PAX3: variants seen among roughly 807,000 people sequenced by gnomAD.
PAX3 encodes the protein paired box protein Pax-3.
PAX3 carries 14 observed loss-of-function variants against 51.6 expected under a neutral mutation model. The observed-to-expected ratio is 0.27, with a 90% CI of 0.18 to 0.42. The LOEUF is 0.42. Among genes scored for constraint, PAX3 ranks in the 10% least tolerant of loss-of-function variants. The probability of loss-of-function intolerance (pLI) is 1.00; values close to 1 mark genes in which losing one functional copy is unlikely to be tolerated. For missense variants in PAX3, 540 were observed against 642.8 expected, an observed-to-expected ratio of 0.84 and a Z score of 1.73; for synonymous variants, 280 against 253.4, an observed-to-expected ratio of 1.11 and a Z score of -1.00.
chr2:222,210,056 C>G (rs916714716), intron 7 of PAX3, among the ~76,000 whole-genome samples: 1 of 152,072 alleles, frequency 6.6e-6, no homozygotes, highest in Non-Finnish European at 1.5e-5. Flanking sequence ...GACACTGAAC[C>G]AATAAAGATG....
In PAX3 at chr2:222,298,448, G is replaced by A. The variant is rs1415763194; in HGVS notation, c.85+83C>T. The A allele has an allele frequency of 7.7e-6, 9 of 1,172,176 alleles. No homozygotes were observed. The East Asian group carries it at 2.0e-4, about 27-fold the overall frequency. The allele number at this position is 1,172,176 out of a possible 1,614,324, so 72.6% of individuals were successfully genotyped here. ...GAATGGGCTTCCTGGAAGCACCAAA[G>A]GAGCCTGCGGAGCCTGGGGATGGGG... is the stretch of plus-strand genomic sequence containing the variant. On this transcript the variant is annotated intron_variant, in intron 1 of 8. Coordinates refer to ENST00000392070, the MANE Select transcript of PAX3 (RefSeq NM_181458.4).
At chr2:222,293,712 C>G in intron 4 of PAX3, 1 of 1,614,218 alleles carries the variant, frequency 6.2e-7, no homozygotes, top group East Asian at 2.2e-5. Context: ...AGTACTCTCT[C>G]TCTCTCTCCT....
chr2:222,231,579 A>G (rs1692597142), intron 5 of PAX3, among the ~76,000 whole-genome samples: 1 of 152,230 alleles, frequency 6.6e-6, no homozygotes, highest in South Asian at 2.1e-4. Context: ...AAGGTCACAG[A>G]GATGAAGCGT....
intron 4 of PAX3, among the ~76,000 whole-genome samples, chr2:222,250,370 T>A (rs957680290): frequency 1.3e-5 from 2 of 152,238 alleles, no homozygotes; most frequent in East Asian, 3.9e-4. Context: ...TTAGCCAGCA[T>A]GTATAATCTT....
At chr2:222,254,399 G>A (rs140448816) in intron 4 of PAX3, among the ~76,000 whole-genome samples, 4,065 of 151,674 alleles carry the variant, frequency 0.027, 363 homozygotes, top group Admixed American at 0.18. Flanking sequence ...TGCAATAAGC[G>A]TTGTCCAGTG....
chr2:222,201,428 G>C lies in PAX3; in HGVS notation c.1435C>G (p.Leu479Val). 1 of 1,614,006 alleles carries C rather than the reference G, an allele frequency of 6.2e-7. No homozygotes were observed. Among genetic ancestry groups the C allele is most frequent in the Non-Finnish European group, 8.5e-7 (1 of 1,179,996 alleles). The change falls in exon 9 of 9, where the codon CTC becomes GTC. Residue 479 changes from leucine (L) to valine (V), a missense_variant. By Grantham distance (32) the Leu-to-Val change is conservative. Coordinates refer to ENST00000392070, the MANE Select transcript of PAX3 (RefSeq NM_181458.4). ...GQYGQSAFHYLKPDIA is the reference protein window; with the variant it reads ...GQYGQSAFHYVKPDIA ...TTCACTTACGCGATATCTGGCTTGA[G>C]ATAATGAAAGGCACCTGTAAGGAAA...
chr2:222,254,137 G>GT (rs1693545666), intron 4 of PAX3, among the ~76,000 whole-genome samples: 2 of 151,928 alleles, frequency 1.3e-5, no homozygotes, highest in African/African-American at 4.8e-5. Context: ...TCCAGGAAAT[G>GT]CCTATTGCAA....
chr2:222,237,042 G>T (rs890954296), intron 4 of PAX3, among the ~76,000 whole-genome samples: 3 of 152,028 alleles, frequency 2.0e-5, no homozygotes, highest in Non-Finnish European at 4.4e-5. Flanking sequence ...TCCATTATCT[G>T]GCTTACCCAT....
intron 5 of PAX3, among the ~76,000 whole-genome samples, chr2:222,225,842 G>A (rs1054957490): frequency 3.3e-5 from 5 of 152,142 alleles, no homozygotes; most frequent in South Asian, 4.1e-4. Flanking sequence ...ACCAAGAATT[G>A]AAGCTCTGTT....
At chr2:222,207,401 A>G (rs904942658) in intron 7 of PAX3, among the ~76,000 whole-genome samples, 1 of 152,160 alleles carries the variant, frequency 6.6e-6, no homozygotes, top group Non-Finnish European at 1.5e-5. Context: ...ATGTGTGGTG[A>G]CCTTCTCACC....
intron 7 of PAX3, among the ~76,000 whole-genome samples, chr2:222,210,050 C>T (rs1691666895): frequency 6.6e-6 from 1 of 152,174 alleles, no homozygotes; most frequent in South Asian, 2.1e-4. Flanking sequence ...TCCAGGGACA[C>T]TGAACCAATA....
chr2:222,223,957 A>C (rs1692292321), intron 5 of PAX3, among the ~76,000 whole-genome samples: 1 of 152,172 alleles, frequency 6.6e-6, no homozygotes, highest in South Asian at 2.1e-4. Context: ...CTATTGACTC[A>C]AGGTTCATTC....
intron 4 of PAX3, among the ~76,000 whole-genome samples, chr2:222,247,195 G>A (rs1343842308): frequency 8.5e-5 from 13 of 152,052 alleles, no homozygotes; most frequent in Admixed American, 7.9e-4. Context: ...AGTAGGAGGG[G>A]GCTCTTCAAA....
intron 4 of PAX3, among the ~76,000 whole-genome samples, chr2:222,253,354 G>T (rs1173526345): frequency 6.6e-6 from 1 of 152,164 alleles, no homozygotes; most frequent in African/African-American, 2.4e-5. Flanking sequence ...GGTATGAAAT[G>T]CATATCCTGG....
chr2:222,293,975 T>C (rs967932121), intron 4 of PAX3, 192 bp downstream of exon 4: 21 of 1,524,046 alleles, frequency 1.4e-5, no homozygotes, highest in Non-Finnish European at 1.8e-5. Flanking sequence ...CTAAGCAGAA[T>C]AGAAATGTTT....
At chr2:222,212,002 C>G (rs1691754555) in intron 7 of PAX3, among the ~76,000 whole-genome samples, 2 of 152,050 alleles carry the variant, frequency 1.3e-5, no homozygotes, top group Admixed American at 6.6e-5. Context: ...CCTCTAGAAG[C>G]TTATAATCAA....
intron 7 of PAX3, among the ~76,000 whole-genome samples, chr2:222,202,611 TA>T (rs1691344080): frequency 6.6e-6 from 1 of 152,186 alleles, no homozygotes; most frequent in African/African-American, 2.4e-5. Flanking sequence ...ATGTGATTTT[TA>T]AACAGTCATT....
chr2:222,293,984 T>A (rs1233862333), intron 4 of PAX3, 183 bp downstream of exon 4: 1 of 1,525,680 alleles, frequency 6.6e-7, no homozygotes, highest in East Asian at 2.3e-5. Flanking sequence ...ATAGAAATGT[T>A]TGTTTTGATT....
intron 4 of PAX3, among the ~76,000 whole-genome samples, chr2:222,286,140 G>A (rs1694826301): frequency 6.6e-6 from 1 of 152,144 alleles, no homozygotes; most frequent in African/African-American, 2.4e-5. Flanking sequence ...GTTTCATCAT[G>A]TTGGCCAGGC....
Sources: allele counts gnomAD v4.1 joint callset (sites outside exome capture counted in the v4.1 genomes callset), GRCh38; gene constraint gnomAD v4.1.1; transcripts MANE v1.5; gene names NCBI Gene and HGNC (gene_info 2026-07-23, HGNC 2026-07-21).